Variants in OR5AN1 observed in about 807,000 individuals in gnomAD.
The protein encoded by OR5AN1 is olfactory receptor family 5 subfamily AN member 1.
For missense variants in OR5AN1, 476 were observed against 368.9 expected, an observed-to-expected ratio of 1.29 and a Z score of -2.38; for synonymous variants, 167 against 131.8, an observed-to-expected ratio of 1.27 and a Z score of -1.83.
In OR5AN1 at chr11:59,369,414, T is replaced by C. The variant is rs960943406; in HGVS notation, c.*4020T>C. The C allele has an allele frequency of 1.3e-5, 2 of 151,906 alleles. No homozygotes were observed. The highest frequency in any genetic ancestry group is 4.8e-5 in the African/African-American group (2 of 41,346). 9.4% of individuals were successfully genotyped at this position (151,906 alleles called of 1,614,324 possible). ...GAAGCTGAAAGAAAAATAGCCAGTA[T>C]AAAAAAGCACTTAGTGGGTCTGACA... On this transcript the variant is annotated 3_prime_UTR_variant, in exon 2 of 2. Coordinates refer to ENST00000641998, the MANE Select transcript of OR5AN1 (RefSeq NM_001004729.2).
At position 59,369,639 on chromosome 11, in the gene OR5AN1, A is replaced by T. The variant is rs1364746131; in HGVS notation, c.*4245A>T. ...TGTAAACAGGCCAAATCTACAAGTA[A>T]TTGACATCACTGAAAGGGAGGGGAA... On this transcript the variant is annotated 3_prime_UTR_variant, in exon 2 of 2. Coordinates refer to ENST00000641998, the MANE Select transcript of OR5AN1 (RefSeq NM_001004729.2). 1 of 152,220 alleles carries T rather than the reference A, an allele frequency of 6.6e-6. No individual in the cohort carries two copies. Among genetic ancestry groups the T allele is most frequent in the Non-Finnish European group, 1.5e-5 (1 of 68,034 alleles). 9.4% of individuals were successfully genotyped at this position (152,220 alleles called of 1,614,324 possible). A position where few individuals can be genotyped will look rare whatever the true frequency, so the allele number is the denominator to read the frequency against.
chr11:59,364,311 C>T, intron 1 of OR5AN1, 135 bp from the exon 2 acceptor site: 1 of 585,626 alleles, frequency 1.7e-6, no homozygotes, highest in Non-Finnish European at 3.0e-6. Context: ...AGGCTGGGGT[C>T]TTTCCATCAG....
chr11:59,360,321 A>G (rs1857449797), intron 1 of OR5AN1, among the ~76,000 whole-genome samples: 2 of 152,218 alleles, frequency 1.3e-5, no homozygotes, highest in South Asian at 4.1e-4. Flanking sequence ...TATCTGTGAG[A>G]GCTTATATTT....
chr11:59,369,827 G>A lies in OR5AN1; in HGVS notation c.*4433G>A, dbSNP rs1023251270. ...GACACATAATCATTATGTTTTCCAA[G>A]GTCAAAATAAAAGAATGTTAAAGGC... is the stretch of plus-strand genomic sequence containing the variant. On this transcript the variant is annotated 3_prime_UTR_variant, in exon 2 of 2. Coordinates refer to ENST00000641998, the MANE Select transcript of OR5AN1 (RefSeq NM_001004729.2). The A allele has an allele frequency of 2.6e-5, 4 of 152,062 alleles. No individual in the cohort carries two copies. Among genetic ancestry groups the A allele is most frequent in the African/African-American group, 9.7e-5 (4 of 41,394 alleles). The allele number at this position is 152,062 out of a possible 1,614,324, so 9.4% of individuals were successfully genotyped here.
intron 1 of OR5AN1, among the ~76,000 whole-genome samples, chr11:59,361,984 T>TTGTGTGTG (rs144506810): frequency 7.2e-6 from 1 of 139,848 alleles, no homozygotes; most frequent in African/African-American, 2.8e-5. Flanking sequence ...GTGTGTGTGT[T>TTGTGTGTG]TGTGTGTGTG....
chr11:59,363,980 C>T, intron 1 of OR5AN1, among the ~76,000 whole-genome samples: 1 of 152,132 alleles, frequency 6.6e-6, no homozygotes, highest in East Asian at 1.9e-4. Flanking sequence ...CCAGGCTGGT[C>T]TCAAACTCCT....
At position 59,364,844 on chromosome 11, in the gene OR5AN1, AC is replaced by A. The variant is rs1224094461; in HGVS notation, c.391del (p.Leu131CysfsTer21). On this transcript the variant is annotated frameshift_variant, in exon 2 of 2. Coordinates refer to ENST00000641998, the MANE Select transcript of OR5AN1 (RefSeq NM_001004729.2). LOFTEE classifies it low-confidence loss of function (END_TRUNC). ...TATGATCGTTATGCTGCCATTTGTA[AC>A]CCCCTGCTCTATTCATCCATCATGT... ...MAYDRYAAIC[N>X]PLLYSSIMSP... 1 of 1,613,394 alleles carries A rather than the reference AC, an allele frequency of 6.2e-7. No individual in the cohort carries two copies. The highest frequency in any genetic ancestry group is 2.2e-5 in the East Asian group (1 of 44,846).
At chr11:59,361,992 G>T (rs1391175549) in intron 1 of OR5AN1, among the ~76,000 whole-genome samples, 1 of 151,986 alleles carries the variant, frequency 6.6e-6, no homozygotes, top group Admixed American at 6.6e-5. Flanking sequence ...GTTTGTGTGT[G>T]TGTGTGTGTG....
In OR5AN1 at chr11:59,358,945, C is replaced by T. The variant is rs1424741638; in HGVS notation, c.-341C>T. 6.6e-6 allele frequency: 1 copy of T among 152,166 alleles called. No individual in the cohort carries two copies. Among genetic ancestry groups the T allele is most frequent in the African/African-American group, 2.4e-5 (1 of 41,444 alleles). 9.4% of individuals were successfully genotyped at this position (152,166 alleles called of 1,614,324 possible). On this transcript the variant is annotated 5_prime_UTR_variant, in exon 1 of 2. Transcript: ENST00000641998. The stretch of plus-strand genomic sequence containing the variant: ...CAATTTTGTGGTCAAACATGCCCAT[C>T]TTGGAGTGTGATACGCCCACCTGAA...
chr11:59,365,545 T>G lies in OR5AN1; in HGVS notation c.*151T>G, dbSNP rs897290701. On this transcript the variant is annotated 3_prime_UTR_variant, in exon 2 of 2. Transcript: ENST00000641998. ...ATTTGATGCACAAAATATGCCAATA[T>G]GGACCAACAGATGACTCAATGCCAC... 15 of 583,854 alleles carry G rather than the reference T, an allele frequency of 2.6e-5. No individual in the cohort carries two copies. In the African/African-American group the frequency reaches 2.8e-4, roughly 11 times the overall value. 36.2% of individuals were successfully genotyped at this position (583,854 alleles called of 1,614,324 possible). A position where few individuals can be genotyped will look rare whatever the true frequency, so the allele number is the denominator to read the frequency against.
chr11:59,364,771 T>C lies in OR5AN1; in HGVS notation c.313T>C (p.Phe105Leu), dbSNP rs771008721. The change falls in exon 2 of 2, where the codon TTT becomes CTT. Residue 105 changes from phenylalanine to leucine, a missense_variant. Transcript: ENST00000641998. ...TGGTTGTATTATTCAGTACTTTATC[T>C]TTTCAACGATGGGACTGAGTGAGTC... ...FVGCIIQYFI[F>L]STMGLSESCL... 6.2e-7 allele frequency: 1 copy of C among 1,614,128 alleles called. No homozygotes were observed. The highest frequency in any genetic ancestry group is 8.5e-7 in the Non-Finnish European group (1 of 1,179,978).
rs1417211784 is a variant in OR5AN1 at position 59,366,415 on chromosome 11, C to G, written c.*1021C>G. 6.6e-6 allele frequency: 1 copy of G among 152,176 alleles called. No individual in the cohort carries two copies. The highest frequency in any genetic ancestry group is 2.4e-5 in the African/African-American group (1 of 41,434). 9.4% of individuals were successfully genotyped at this position (152,176 alleles called of 1,614,324 possible). A position where few individuals can be genotyped will look rare whatever the true frequency, so the allele number is the denominator to read the frequency against. On this transcript the variant is annotated 3_prime_UTR_variant, in exon 2 of 2. Coordinates refer to ENST00000641998, the MANE Select transcript of OR5AN1 (RefSeq NM_001004729.2). Reference sequence around the variant, plus strand: ...TTAAGCCTACTCTACATCAGCCAGTCCCAGCTGATCTCCAGATGATCTGAG... The same window carrying G: ...TTAAGCCTACTCTACATCAGCCAGTGCCAGCTGATCTCCAGATGATCTGAG...
chr11:59,361,788 C>T (rs1386555327), intron 1 of OR5AN1, among the ~76,000 whole-genome samples: 22 of 152,074 alleles, frequency 1.4e-4, no homozygotes, highest in Admixed American at 1.2e-3. Context: ...TCTCTGTCCT[C>T]TCTCTCTCTT....
chr11:59,366,904 G>A lies in OR5AN1; in HGVS notation c.*1510G>A, dbSNP rs1857541054. On this transcript the variant is annotated 3_prime_UTR_variant, in exon 2 of 2. Transcript: ENST00000641998. ...TCAGAAACACAGCTAGTAAGTGAAG[G>A]GGTGGGAATCCAAACTAACATTGCA... is the stretch of plus-strand genomic sequence containing the variant. The A allele has an allele frequency of 6.6e-6, 1 of 152,154 alleles. No homozygotes were observed. The highest frequency in any genetic ancestry group is 6.5e-5 in the Admixed American group (1 of 15,270). The allele number at this position is 152,154 out of a possible 1,614,324, so 9.4% of individuals were successfully genotyped here.
chr11:59,359,307 C>T (rs1432075535), intron 1 of OR5AN1, 35 bp downstream of exon 1: 2 of 152,184 alleles, frequency 1.3e-5, no homozygotes, highest in Admixed American at 6.5e-5. Context: ...GTATTGAATT[C>T]TTAAGGATGT....
rs1469929325 is a variant in OR5AN1 at position 59,366,840 on chromosome 11, T to C, written c.*1446T>C. 3 of 152,234 alleles carry C rather than the reference T, an allele frequency of 2.0e-5. No individual in the cohort carries two copies. The highest frequency in any genetic ancestry group is 4.4e-5 in the Non-Finnish European group (3 of 68,034). The allele number at this position is 152,234 out of a possible 1,614,324, so 9.4% of individuals were successfully genotyped here. A position where few individuals can be genotyped will look rare whatever the true frequency, so the allele number is the denominator to read the frequency against. On this transcript the variant is annotated 3_prime_UTR_variant, in exon 2 of 2. Transcript: ENST00000641998. ...TCAGTTGAGCTAAGTTTTACTGTTA[T>C]ACCAACTTCACAGATGAATAAACTT...
At chr11:59,364,378 T>C in intron 1 of OR5AN1, 68 bp from the exon 2 acceptor site, 1 of 922,770 alleles carries the variant, frequency 1.1e-6, no homozygotes, top group Non-Finnish European at 1.7e-6. Flanking sequence ...TGTACACATA[T>C]GAAGACGGTA....
In OR5AN1 at chr11:59,365,283, A is replaced by G; in HGVS notation, c.825A>G (p.Ala275=). The G allele has an allele frequency of 6.2e-7, 1 of 1,613,514 alleles. No homozygotes were observed. Among genetic ancestry groups the G allele is most frequent in the East Asian group, 2.2e-5 (1 of 44,848 alleles). ...SGGSSSFDRF[A]SVFYTVVIPM... is the part of the protein sequence containing the mutation. ...GTTCTTCAAGCTTTGACAGATTTGC[A>G]TCTGTTTTCTACACTGTGGTCATTC... The change falls in exon 2 of 2, where the codon GCA becomes GCG. Residue 275 remains alanine, a synonymous_variant. Transcript: ENST00000641998.
Position 59,365,328 on chromosome 11 carries a change from T to C in OR5AN1, c.870T>C (p.Ile290=), listed in dbSNP as rs1329052548. 6.2e-7 allele frequency: 1 copy of C among 1,611,776 alleles called. No homozygotes were observed. The highest frequency in any genetic ancestry group is 8.5e-7 in the Non-Finnish European group (1 of 1,179,130). Residue 290 remains isoleucine, a synonymous_variant, in exon 2 of 2, where the codon ATT becomes ATC. Coordinates refer to ENST00000641998, the MANE Select transcript of OR5AN1 (RefSeq NM_001004729.2). The part of the protein sequence containing the change: ...TVVIPMLNPL[I]YSLRNKEIKD... ...TCATTCCCATGTTAAATCCCTTGATTTACAGTTTGAGGAACAAAGAAATTA... is the reference window on the plus strand; with the variant it reads ...TCATTCCCATGTTAAATCCCTTGATCTACAGTTTGAGGAACAAAGAAATTA...
Sources: allele counts gnomAD v4.1 joint callset (sites outside exome capture counted in the v4.1 genomes callset), GRCh38; gene constraint gnomAD v4.1.1; transcripts MANE v1.5; gene names NCBI Gene and HGNC (gene_info 2026-07-23, HGNC 2026-07-21).